Variants in BNIP1 observed in about 807,000 individuals in gnomAD.
The protein encoded by BNIP1 is BCL2 interacting protein 1.
In BNIP1, 25 loss-of-function variants were observed where a neutral mutation model predicts 28.5. That is an observed-to-expected ratio of 0.88 (90% CI 0.64 to 1.23). BNIP1 has a LOEUF of 1.23. Ranked by LOEUF, BNIP1 falls within the 50% of genes most tolerant of loss-of-function variation. The probability of loss-of-function intolerance (pLI) is 0.00; values close to 1 mark genes in which losing one functional copy is unlikely to be tolerated. For synonymous variants in BNIP1, 118 were observed against 101.7 expected (o/e 1.16, Z -0.96); for missense variants, 276 against 277.0 (o/e 1.00, Z 0.02).
chr5:173,163,217 T>C (rs1760411822), intron 5 of BNIP1, among the ~76,000 whole-genome samples: 1 of 152,144 alleles, frequency 6.6e-6, no homozygotes, highest in East Asian at 1.9e-4. Flanking sequence ...GAGGGACTGG[T>C]ATGTGTGAGG....
intron 2 of BNIP1, among the ~76,000 whole-genome samples, 180 bp downstream of exon 2, chr5:173,147,138 G>C (rs1216683778): frequency 6.6e-6 from 1 of 152,168 alleles, no homozygotes. Context: ...CGGGCACGGT[G>C]GCTCACGCCT....
At chr5:173,147,177 C>T (rs950606433) in intron 2 of BNIP1, among the ~76,000 whole-genome samples, 5 of 152,164 alleles carry the variant, frequency 3.3e-5, no homozygotes, top group African/African-American at 4.8e-5. Context: ...GAGGCCGAGG[C>T]GGGGAGATCA....
At chr5:173,157,786 A>G (rs1760242983) in intron 3 of BNIP1, among the ~76,000 whole-genome samples, 1 of 152,148 alleles carries the variant, frequency 6.6e-6, no homozygotes, top group African/African-American at 2.4e-5. Flanking sequence ...AGCGCAGGTG[A>G]AGACTGTAGA....
intron 3 of BNIP1, among the ~76,000 whole-genome samples, chr5:173,156,650 GTT>G (rs1252904709): frequency 2.9e-5 from 4 of 136,462 alleles, no homozygotes; most frequent in Non-Finnish European, 4.8e-5. Context: ...CTTTTCTTTT[GTT>G]TTTTTTTTTT....
At chr5:173,149,737 A>T (rs1029905516) in intron 2 of BNIP1, among the ~76,000 whole-genome samples, 1 of 152,224 alleles carries the variant, frequency 6.6e-6, no homozygotes, top group Non-Finnish European at 1.5e-5. Context: ...GCTTCCAGTC[A>T]TGGCAGAAGG....
At chr5:173,147,543 T>G (rs1391082979) in intron 2 of BNIP1, among the ~76,000 whole-genome samples, 1 of 152,070 alleles carries the variant, frequency 6.6e-6, no homozygotes, top group Non-Finnish European at 1.5e-5. Flanking sequence ...CCATTCTTTC[T>G]ACCCTATTCA....
intron 3 of BNIP1, among the ~76,000 whole-genome samples, chr5:173,156,773 C>T (rs1397614949): frequency 2.6e-5 from 4 of 151,274 alleles, no homozygotes; most frequent in East Asian, 2.0e-4. Context: ...TCAGCCTCTC[C>T]GAGTAGCTGG....
intron 2 of BNIP1, among the ~76,000 whole-genome samples, chr5:173,151,008 C>T (rs910979950): frequency 2.0e-5 from 3 of 150,990 alleles, no homozygotes; most frequent in Non-Finnish European, 4.4e-5. Flanking sequence ...GCTAATTTTT[C>T]GTATTTTTAG....
At chr5:173,150,683 A>G (rs1298623149) in intron 2 of BNIP1, among the ~76,000 whole-genome samples, 1 of 152,180 alleles carries the variant, frequency 6.6e-6, no homozygotes, top group Non-Finnish European at 1.5e-5. Flanking sequence ...CCACTCTTCC[A>G]AACAGGTAAC....
intron 2 of BNIP1, chr5:173,151,439 C>CT: frequency 1.0e-6 from 1 of 982,644 alleles, no homozygotes. Context: ...TCAGGCTGGA[C>CT]TTGAACTCCT....
chr5:173,153,318 C>T (rs1033011553), intron 2 of BNIP1, among the ~76,000 whole-genome samples: 3 of 151,790 alleles, frequency 2.0e-5, no homozygotes, highest in Non-Finnish European at 4.4e-5. Context: ...AGCTCTGCCT[C>T]CCGGGTTCAC....
intron 2 of BNIP1, chr5:173,151,698 A>G: frequency 6.2e-7 from 1 of 1,611,726 alleles, no homozygotes; most frequent in African/African-American, 1.3e-5. Context: ...CTTCAGTGTG[A>G]GTATTTGTAT....
At chr5:173,162,523 G>A (rs796245242) in intron 5 of BNIP1, among the ~76,000 whole-genome samples, 3 of 152,234 alleles carry the variant, frequency 2.0e-5, no homozygotes, top group African/African-American at 7.2e-5. Flanking sequence ...CAGCTACTGG[G>A]GAGGCTGAGG....
intron 5 of BNIP1, among the ~76,000 whole-genome samples, chr5:173,160,395 C>T (rs1048747019): frequency 4.6e-5 from 7 of 152,110 alleles, no homozygotes; most frequent in South Asian, 2.1e-4. Flanking sequence ...CCACCACACC[C>T]GGCTAATTTT....
intron 3 of BNIP1, among the ~76,000 whole-genome samples, chr5:173,157,758 C>T (rs1001438762): frequency 3.3e-5 from 5 of 152,110 alleles, no homozygotes; most frequent in East Asian, 3.9e-4. Flanking sequence ...ACCAACTTTC[C>T]GTTATCACCC....
At chr5:173,148,103 T>A (rs868061029) in intron 2 of BNIP1, among the ~76,000 whole-genome samples, 2,417 of 42,732 alleles carry the variant, frequency 0.057, 218 homozygotes, top group Non-Finnish European at 0.071. Context: ...TATATATATA[T>A]ATATATATAT....
intron 1 of BNIP1, chr5:173,144,899 C>T (rs1759786835): frequency 2.4e-6 from 1 of 408,688 alleles, no homozygotes; most frequent in Non-Finnish European, 4.4e-6. Context: ...CGGGGCTCGG[C>T]TTTGCCCCTT....
rs1184767047 is a variant in BNIP1, at chr5:173,163,827, A to C, written c.593A>C (p.Glu198Ala). 1 of 1,613,980 alleles carries C rather than the reference A, an allele frequency of 6.2e-7. No homozygotes were observed. The highest frequency in any genetic ancestry group is 1.7e-5 in the Admixed American group (1 of 59,982). Residue 198 changes from glutamate (E) to alanine (A), a missense_variant, in exon 6 of 6, where the codon GAG becomes GCG. Coordinates refer to ENST00000351486, the MANE Select transcript of BNIP1 (RefSeq NM_001205.3). ...RKLITKYNRR[E>A]LTDKLLIFLA... ...CTTATCACAAAATACAATCGCCGGG[A>C]GCTGACGGACAAGCTTCTCATCTTC...
intron 5 of BNIP1, among the ~76,000 whole-genome samples, chr5:173,162,589 A>G (rs1400321775): frequency 1.3e-5 from 2 of 152,136 alleles, no homozygotes; most frequent in Admixed American, 6.6e-5. Flanking sequence ...AGATCACGCC[A>G]CTGCACTCCA....
Sources: gnomAD v4.1 joint callset for allele counts (sites outside exome capture counted in the v4.1 genomes callset) on GRCh38, gnomAD v4.1.1 for gene constraint, MANE v1.5 for transcripts, NCBI Gene and HGNC (gene_info 2026-07-23, HGNC 2026-07-21) for gene names.